Variants in RNF213 observed in about 807,000 individuals in gnomAD.
The protein encoded by RNF213 is E3 ubiquitin-protein ligase RNF213.
In RNF213, 341 loss-of-function variants were observed where a neutral mutation model predicts 514.4. That is an observed-to-expected ratio of 0.66 (90% CI 0.61 to 0.73). RNF213 has a LOEUF of 0.73. RNF213 is among the 30% of genes least tolerant of loss of function. RNF213 has a pLI of 0.00. For missense variants in RNF213, 5,767 were observed against 6,615.6 expected (o/e 0.87, Z 4.45); for synonymous variants, 2,655 against 2,658.2 (o/e 1.00, Z 0.04).
intron 36 of RNF213, among the ~76,000 whole-genome samples, chr17:80,356,946 T>G: frequency 6.8e-6 from 1 of 146,230 alleles, no homozygotes; most frequent in Non-Finnish European, 1.5e-5. Flanking sequence ...CGAGACAGAG[T>G]CTCACTCTCG....
rs1301397805 is a variant in RNF213 at position 80,353,576 on chromosome 17, A to AGGGGAGGTG, written c.10490_10498dup (p.Gly3497_Val3499dup). On this transcript the variant is annotated inframe_insertion, in exon 34 of 68. Transcript: ENST00000582970. The surrounding 1 kb of genome is among the most constrained non-coding windows in gnomAD (Gnocchi z 5.0). ...CGATGGAGACGGAGGCCAGCACATC[A>AGGGGAGGTG]GGGGAGGTGGCAGAGGTGGCAGAGG... 1.2e-6 allele frequency: 2 copies of AGGGGAGGTG among 1,613,864 alleles called. No individual in the cohort carries two copies. Among genetic ancestry groups the AGGGGAGGTG allele is most frequent in the Non-Finnish European group, 8.5e-7 (1 of 1,179,908 alleles).
chr17:80,354,519 A>C lies in RNF213; in HGVS notation c.10805A>C (p.Glu3602Ala), dbSNP rs1255110423. Residue 3602 changes from glutamate to alanine, a missense_variant, in exon 36 of 68, where the codon GAG (glutamate) becomes GCG (alanine). Coordinates refer to ENST00000582970, the MANE Select transcript of RNF213 (RefSeq NM_001256071.3). ...GAAGAGAGCCAGTTTCACCCTCTGG[A>C]GTGGTTGGCAAGGGAAGCCTGCAAC... Reference protein sequence around the residue: ...KQEESQFHPLEWLAREACNQD... With the variant: ...KQEESQFHPLAWLAREACNQD... The C allele has an allele frequency of 6.2e-7, 1 of 1,614,036 alleles. No individual in the cohort carries two copies. The highest frequency in any genetic ancestry group is 8.5e-7 in the Non-Finnish European group (1 of 1,180,030).
chr17:80,391,558 T>A (rs1433980951), intron 67 of RNF213, among the ~76,000 whole-genome samples: 1 of 151,962 alleles, frequency 6.6e-6, no homozygotes, highest in African/African-American at 2.4e-5. Context: ...CCTCTTCGTA[T>A]CTTTTTCTTT....
At chr17:80,360,341 A>G in intron 38 of RNF213, 135 bp downstream of exon 38, 1 of 1,002,114 alleles carries the variant, frequency 1.0e-6, no homozygotes. Flanking sequence ...TTGTTTGTGC[A>G]GTAAGCGTCC....
chr17:80,356,662 C>T (rs2078835397), intron 36 of RNF213, among the ~76,000 whole-genome samples: 1 of 152,240 alleles, frequency 6.6e-6, no homozygotes, highest in South Asian at 2.1e-4. Flanking sequence ...CCAGATAGGG[C>T]GGAACCAGGC....
In RNF213 at chr17:80,339,494, G is replaced by A; in HGVS notation, c.5127G>A (p.Leu1709=). ...TGAACTTCTACACGGCAGAGCAGCTGGTTTACCTGAGCACTGAGCTCAGGA... is the reference window on the plus strand; with the variant it reads ...TGAACTTCTACACGGCAGAGCAGCTAGTTTACCTGAGCACTGAGCTCAGGA... ...FYLNFYTAEQ[L]VYLSTELRKQ... is the part of the protein sequence containing the mutation. Residue 1709 remains leucine (L), a synonymous_variant, in exon 26 of 68, where the codon CTG becomes CTA. Transcript: ENST00000582970. The A allele has an allele frequency of 6.5e-7, 1 of 1,537,238 alleles. No homozygotes were observed. Among genetic ancestry groups the A allele is most frequent in the Non-Finnish European group, 8.7e-7 (1 of 1,146,910 alleles).
chr17:80,287,580 G>A (rs1426611852), intron 3 of RNF213, among the ~76,000 whole-genome samples: 2 of 152,244 alleles, frequency 1.3e-5, no homozygotes, highest in African/African-American at 4.8e-5. Context: ...CAGCCCGGCC[G>A]TGACCGTGCC....
rs2078218468 is a variant in RNF213 at position 80,343,396 on chromosome 17, C to CCCATG, written c.6183+71_6183+72insCCATG. On this transcript the variant is annotated intron_variant, in intron 27 of 67. Transcript: ENST00000582970. This position sits in a 1 kb window ranked among gnomAD's most constrained non-coding sequence, Gnocchi z 4.3. ...TGGTCCCCATGTCTCTGCGTGACTC[C>CCCATG]TCCCCGTGTATAGAATTCCTTGTTT... 7.7e-7 allele frequency: 1 copy of CCCATG among 1,306,084 alleles called. No homozygotes were observed. The highest frequency in any genetic ancestry group is 1.9e-5 in the Admixed American group (1 of 52,400). 80.9% of individuals were successfully genotyped at this position (1,306,084 alleles called of 1,614,324 possible).
At chr17:80,362,178 C>T (rs1051752027) in intron 39 of RNF213, among the ~76,000 whole-genome samples, 3 of 152,054 alleles carry the variant, frequency 2.0e-5, no homozygotes, top group African/African-American at 7.2e-5. Flanking sequence ...TGTTGAGTTT[C>T]TCTTGAAAAA....
intron 25 of RNF213, among the ~76,000 whole-genome samples, chr17:80,338,276 A>G (rs2078047068): frequency 6.6e-6 from 1 of 152,176 alleles, no homozygotes; most frequent in Admixed American, 6.5e-5. Flanking sequence ...TGTCCACCGC[A>G]CTGAGAAGGA....
intron 47 of RNF213, among the ~76,000 whole-genome samples, 174 bp from the exon 48 acceptor site, chr17:80,372,347 T>C (rs1358367963): frequency 2.0e-5 from 3 of 152,166 alleles, no homozygotes; most frequent in African/African-American, 7.2e-5. Flanking sequence ...CTCCTTCTTG[T>C]CCTTAAAATA....
At chr17:80,330,065 C>T (rs2046372622) in intron 20 of RNF213, among the ~76,000 whole-genome samples, 1 of 152,084 alleles carries the variant, frequency 6.6e-6, no homozygotes, top group Non-Finnish European at 1.5e-5. Context: ...GAGATTTATT[C>T]AGAACCAAAC....
intron 26 of RNF213, among the ~76,000 whole-genome samples, chr17:80,342,646 T>C (rs1402240450): frequency 6.8e-6 from 1 of 146,990 alleles, no homozygotes; most frequent in African/African-American, 2.5e-5. Flanking sequence ...ATATTCTATA[T>C]ATTTTTACAT....
At position 80,337,014 on chromosome 17, in the gene RNF213, G is replaced by A. The variant is rs117857085; in HGVS notation, c.4528-572G>A. ...TAGATACCTGGGCCAGCCTCCGGAC[G>A]GCTGCTCTGCATGTGGGTGGAGGAA... On this transcript the variant is annotated intron_variant, in intron 23 of 67. Coordinates refer to ENST00000582970, the MANE Select transcript of RNF213 (RefSeq NM_001256071.3). 8.5e-3 allele frequency: 1,399 copies of A among 164,616 alleles called. 14 individuals are homozygous for A. The highest frequency in any genetic ancestry group is 0.01 in the Non-Finnish European group (763 of 75,178). The allele number at this position is 164,616 out of a possible 1,614,324, so 10.2% of individuals were successfully genotyped here.
chr17:80,383,352 T>TG (rs1489932855), intron 58 of RNF213, among the ~76,000 whole-genome samples: 1 of 152,246 alleles, frequency 6.6e-6, no homozygotes, highest in Non-Finnish European at 1.5e-5. Context: ...TACAGCAGAA[T>TG]GTAATGTACG....
Position 80,346,522 on chromosome 17 carries a change from G to A in RNF213, c.8187G>A (p.Gln2729=). 6.2e-7 allele frequency: 1 copy of A among 1,613,608 alleles called. No individual in the cohort carries two copies. The highest frequency in any genetic ancestry group is 8.5e-7 in the Non-Finnish European group (1 of 1,180,046). ...TTCTGGATGAAATAACACGGGCACA[G>A]GATCTTTTTCTGGACGGCGTACCTC... ...RLLLDEITRA[Q]DLFLDGVPLR... Residue 2729 remains glutamine (Q), a synonymous_variant, in exon 29 of 68, where the codon CAG becomes CAA. Transcript: ENST00000582970. The surrounding 1 kb of genome is among the most constrained non-coding windows in gnomAD (Gnocchi z 8.1).
At chr17:80,330,395 T>G (rs1204518573) in intron 20 of RNF213, among the ~76,000 whole-genome samples, 2 of 152,212 alleles carry the variant, frequency 1.3e-5, no homozygotes, top group African/African-American at 2.4e-5. Flanking sequence ...GTGCTGTGGC[T>G]CGACCTGGAA....
At chr17:80,283,096 G>A (rs1383922035) in intron 3 of RNF213, among the ~76,000 whole-genome samples, 2 of 152,132 alleles carry the variant, frequency 1.3e-5, no homozygotes, top group Admixed American at 6.5e-5. Context: ...CTCACCCCCC[G>A]TAAAATTATA....
At chr17:80,352,907 A>T (rs2078582297) in intron 32 of RNF213, 33 bp from the exon 33 acceptor site, 1 of 1,613,738 alleles carries the variant, frequency 6.2e-7, no homozygotes, top group South Asian at 1.1e-5. Context: ...GGAAAGACAC[A>T]AAGACAGTTG....
Sources: allele counts gnomAD v4.1 joint callset (sites outside exome capture counted in the v4.1 genomes callset), GRCh38; gene constraint gnomAD v4.1.1; non-coding constraint Gnocchi (gnomAD v3.1); transcripts MANE v1.5; gene names NCBI Gene and HGNC (gene_info 2026-07-23, HGNC 2026-07-21).